GARNL3: variants seen among roughly 807,000 people sequenced by gnomAD.
GARNL3 encodes the protein GTPase activating Rap/RanGAP domain like 3.
Under a neutral mutation model 125.0 loss-of-function variants are expected in GARNL3, and 63 were observed. The ratio of observed to expected loss-of-function variants is 0.50; its 90% CI spans 0.41 to 0.62. The LOEUF (loss-of-function observed/expected upper bound fraction) is 0.62. Ranked by LOEUF, GARNL3 falls within the 20% of genes least tolerant of loss-of-function variation. The probability of loss-of-function intolerance (pLI) is 0.00; values close to 1 mark genes in which losing one functional copy is unlikely to be tolerated. For missense variants in GARNL3, 994 were observed against 1,244.0 expected (o/e 0.80, Z 3.02); for synonymous variants, 439 against 457.5 (o/e 0.96, Z 0.52).
chr9:127,352,683 G>A (rs1830477876), intron 17 of GARNL3, among the ~76,000 whole-genome samples: 1 of 152,122 alleles, frequency 6.6e-6, no homozygotes, highest in African/African-American at 2.4e-5. Context: ...ACAAATCTGA[G>A]CCCTCAGAGG....
chr9:127,248,872 A>G (rs1378776204), intron 2 of GARNL3, among the ~76,000 whole-genome samples: 1 of 151,872 alleles, frequency 6.6e-6, no homozygotes, highest in South Asian at 2.1e-4. Flanking sequence ...CAGCCTCCCA[A>G]AGTGCTTGGA....
At chr9:127,371,231 C>T (rs1326075398) in intron 22 of GARNL3, among the ~76,000 whole-genome samples, 2 of 152,206 alleles carry the variant, frequency 1.3e-5, no homozygotes, top group Non-Finnish European at 2.9e-5. Context: ...ATTTCTTGGA[C>T]TTTGGCTCCG....
chr9:127,318,725 G>A (rs1237075018), intron 5 of GARNL3, among the ~76,000 whole-genome samples: 2 of 151,562 alleles, frequency 1.3e-5, no homozygotes, highest in Non-Finnish European at 2.9e-5. Context: ...AGGGAATGCC[G>A]CCACTTGGAT....
chr9:127,318,086 C>A lies in GARNL3; in HGVS notation c.462C>A (p.Pro154=). The change falls in exon 5 of 28, where the codon CCC becomes CCA. Residue 154 remains proline, a synonymous_variant. Transcript: ENST00000373387. Reference sequence around the variant, plus strand: ...AGGGTACCCAGAAAATATGCCTTCCCTACAGTCCCACAAAAACTCTTTCTG... The same window carrying A: ...AGGGTACCCAGAAAATATGCCTTCCATACAGTCCCACAAAAACTCTTTCTG... ...RKTGTQKICL[P]YSPTKTLSVK... is the part of the protein sequence containing the mutation. The A allele has an allele frequency of 1.2e-6, 2 of 1,609,428 alleles. No homozygotes were observed. The highest frequency in any genetic ancestry group is 1.1e-5 in the South Asian group (1 of 90,962).
chr9:127,306,455 C>T (rs996365054), intron 2 of GARNL3, among the ~76,000 whole-genome samples: 7 of 151,514 alleles, frequency 4.6e-5, no homozygotes, highest in Admixed American at 1.3e-4. Context: ...TGGCCGGGCG[C>T]GGTGGCTCAC....
chr9:127,304,881 G>A (rs1328779088), intron 2 of GARNL3, among the ~76,000 whole-genome samples: 5 of 152,074 alleles, frequency 3.3e-5, no homozygotes, highest in African/African-American at 7.2e-5. Context: ...CAATCCAAAT[G>A]TCCATCAATA....
At chr9:127,300,474 T>G in intron 2 of GARNL3, 1 of 411,128 alleles carries the variant, frequency 2.4e-6, no homozygotes, top group South Asian at 1.8e-5. Context: ...TGAATTTTCT[T>G]TTTTTTGTTG....
intron 1 of GARNL3, among the ~76,000 whole-genome samples, chr9:127,275,167 C>T (rs1431533892): frequency 6.6e-6 from 1 of 152,118 alleles, no homozygotes. Context: ...TTTTTCAGTA[C>T]CTATGTTTTC....
chr9:127,379,869 A>G (rs1206486546), intron 22 of GARNL3, among the ~76,000 whole-genome samples: 1 of 152,176 alleles, frequency 6.6e-6, no homozygotes, highest in Non-Finnish European at 1.5e-5. Flanking sequence ...AAATACTTGA[A>G]GGAGAAATAC....
intron 1 of GARNL3, among the ~76,000 whole-genome samples, chr9:127,231,232 T>TTG (rs1464393235): frequency 2.2e-5 from 3 of 133,940 alleles, no homozygotes; most frequent in South Asian, 2.3e-4. Flanking sequence ...TTTTTTGTTT[T>TTG]TTTTTTTTTT....
intron 7 of GARNL3, among the ~76,000 whole-genome samples, chr9:127,329,611 A>AG (rs1202085333): frequency 1.5e-5 from 2 of 137,692 alleles, no homozygotes; most frequent in Admixed American, 7.2e-5. Context: ...ATCCTATAAA[A>AG]CCTTTTAAAA....
upstream of GARNL3, chr9:127,264,058 T>G: frequency 9.8e-7 from 1 of 1,020,498 alleles, no homozygotes; most frequent in Non-Finnish European, 1.4e-6. Context: ...ATAGTAAACA[T>G]GTTATTCCTA....
intron 22 of GARNL3, among the ~76,000 whole-genome samples, chr9:127,380,240 C>T (rs1272451557): frequency 3.9e-5 from 3 of 76,844 alleles, no homozygotes; most frequent in Non-Finnish European, 9.4e-5. Context: ...GTGTGTGTGT[C>T]AGTATTTCTC....
At chr9:127,339,142 A>G (rs1484891466) in intron 12 of GARNL3, among the ~76,000 whole-genome samples, 1 of 151,606 alleles carries the variant, frequency 6.6e-6, no homozygotes, top group African/African-American at 2.4e-5. Flanking sequence ...CTAAAAATAC[A>G]AAAAATTAGC....
chr9:127,248,849 G>C (rs1341030572), intron 2 of GARNL3, among the ~76,000 whole-genome samples: 1 of 151,882 alleles, frequency 6.6e-6, no homozygotes, highest in Non-Finnish European at 1.5e-5. Context: ...AACTCAAAGA[G>C]ATCTGCCTGC....
At chr9:127,336,019 G>A (rs757001516) in intron 10 of GARNL3, 109 bp from the exon 11 acceptor site, 7 of 764,434 alleles carry the variant, frequency 9.2e-6, no homozygotes, top group South Asian at 1.8e-5. Context: ...GAAGTTCAGG[G>A]CTCTGTCATA....
rs1554741684 is a variant in GARNL3 at position 127,391,533 on chromosome 9, A to AAT, written c.2870+784_2870+785dup. Among the ~76,000 whole-genome samples the AAT allele has an allele frequency of 3.2e-3, 241 of 75,818 alleles. 30 individuals are homozygous for AAT. Among genetic ancestry groups the AAT allele is most frequent in the East Asian group, 0.013 (33 of 2,544 alleles). The allele number at this position is 75,818 out of a possible 152,430, so 49.7% of individuals were successfully genotyped here. ...GCAAGACCCATCTCTACAAAAAAAA[A>AAT]ATATATATATATATATATAGGCTGG... On this transcript the variant is annotated intron_variant, in intron 27 of 27. Coordinates refer to ENST00000373387, the MANE Select transcript of GARNL3 (RefSeq NM_032293.5).
In GARNL3 at chr9:127,353,883, G is replaced by T; in HGVS notation, c.1581G>T (p.Leu527=). Reference sequence around the variant, plus strand: ...CAGTGCCCGTGTTTGACAGAACTCTGCCAGTGAAGCAAATGCATGTGCTTG... The same window carrying T: ...CAGTGCCCGTGTTTGACAGAACTCTTCCAGTGAAGCAAATGCATGTGCTTG... The part of the protein sequence containing the change: ...LPSVPVFDRT[L]PVKQMHVLET... Residue 527 remains leucine, a synonymous_variant, in exon 18 of 28, where the codon CTG becomes CTT. Coordinates refer to ENST00000373387, the MANE Select transcript of GARNL3 (RefSeq NM_032293.5). 6.2e-7 allele frequency: 1 copy of T among 1,613,934 alleles called. No individual in the cohort carries two copies. Among genetic ancestry groups the T allele is most frequent in the Non-Finnish European group, 8.5e-7 (1 of 1,179,830 alleles).
chr9:127,224,682 G>C (rs2062865100), intron 1 of GARNL3: 1 of 152,834 alleles, frequency 6.5e-6, no homozygotes, highest in Non-Finnish European at 1.5e-5. Context: ...CGCGGAAGCA[G>C]AGGTTTGGGG....
Sources: gnomAD v4.1 joint callset for allele counts (sites outside exome capture counted in the v4.1 genomes callset) on GRCh38, gnomAD v4.1.1 for gene constraint, MANE v1.5 for transcripts, NCBI Gene and HGNC (gene_info 2026-07-23, HGNC 2026-07-21) for gene names.